TMEM117: variants seen among roughly 807,000 people sequenced by gnomAD.
TMEM117 encodes transmembrane protein 117.
TMEM117 carries 27 observed loss-of-function variants against 52.4 expected under a neutral mutation model. That is an observed-to-expected ratio of 0.51 (90% CI 0.38 to 0.71). The LOEUF (loss-of-function observed/expected upper bound fraction) is 0.71, where lower values mean the gene tolerates loss of function less well. Among genes scored for constraint, TMEM117 ranks in the 30% least tolerant of loss-of-function variants. The probability of loss-of-function intolerance (pLI) is 0.00; values close to 1 mark genes in which losing one functional copy is unlikely to be tolerated. For synonymous variants in TMEM117, 215 were observed against 206.3 expected (o/e 1.04, Z -0.36); for missense variants, 556 against 630.5 (o/e 0.88, Z 1.26).
intron 2 of TMEM117, among the ~76,000 whole-genome samples, chr12:43,866,883 G>C (rs141376430): frequency 3.9e-5 from 6 of 152,326 alleles, no homozygotes; most frequent in African/African-American, 1.4e-4. Flanking sequence ...CTGAGGTCGG[G>C]AGGTTGAGAC....
intron 4 of TMEM117, among the ~76,000 whole-genome samples, chr12:44,207,980 G>C (rs1304485850): frequency 1.3e-5 from 2 of 152,074 alleles, no homozygotes; most frequent in African/African-American, 4.8e-5. Flanking sequence ...CAAAGTTGCT[G>C]TGACTCTTAA....
chr12:44,220,136 C>T (rs1185110781), intron 5 of TMEM117, among the ~76,000 whole-genome samples: 2 of 152,090 alleles, frequency 1.3e-5, no homozygotes, highest in African/African-American at 4.8e-5. Flanking sequence ...AGTGTGTTGA[C>T]TGGGAATTTT....
At chr12:44,353,348 G>A (rs1164478989) in intron 6 of TMEM117, among the ~76,000 whole-genome samples, 1 of 152,152 alleles carries the variant, frequency 6.6e-6, no homozygotes, top group African/African-American at 2.4e-5. Flanking sequence ...TGCTTTTGGT[G>A]TTTTAGACAT....
chr12:44,226,576 A>G (rs1042890459), intron 5 of TMEM117, among the ~76,000 whole-genome samples: 11 of 152,002 alleles, frequency 7.2e-5, no homozygotes, highest in African/African-American at 2.4e-4. Flanking sequence ...CCCCAAATTC[A>G]CATGTTGAAG....
chr12:44,387,739 T>C (rs558034270), intron 7 of TMEM117, among the ~76,000 whole-genome samples: 1 of 152,266 alleles, frequency 6.6e-6, no homozygotes, highest in African/African-American at 2.4e-5. Context: ...AATTTGAGTA[T>C]AGCTGTGGTG....
At position 43,987,370 on chromosome 12, in the gene TMEM117, A is replaced by AT. The variant is rs549409731; in HGVS notation, c.410+43029dup. 3.9e-5 allele frequency among the ~76,000 whole-genome samples: 6 copies of AT among 152,344 alleles called. No homozygotes were observed. The East Asian group carries it at 1.2e-3, about 29-fold the overall frequency. On this transcript the variant is annotated intron_variant, in intron 3 of 7. Transcript: ENST00000266534. Reference sequence around the variant, plus strand: ...ATGGCACACTCACCAAGTCATGCACATGCTAGAGTGATTTTTTAATGTGAC... The same window carrying AT: ...ATGGCACACTCACCAAGTCATGCACATTGCTAGAGTGATTTTTTAATGTGAC...
At chr12:43,954,155 G>A (rs1945269140) in intron 3 of TMEM117, among the ~76,000 whole-genome samples, 1 of 152,172 alleles carries the variant, frequency 6.6e-6, no homozygotes, top group Non-Finnish European at 1.5e-5. Context: ...AGCTAAAGCA[G>A]TATTAAGAGA....
intron 2 of TMEM117, among the ~76,000 whole-genome samples, chr12:43,881,322 T>A (rs1943892014): frequency 6.6e-6 from 1 of 152,218 alleles, no homozygotes; most frequent in South Asian, 2.1e-4. Context: ...ATTTGTGCAT[T>A]CCTTTGTGTC....
chr12:43,844,562 T>C, intron 1 of TMEM117, 62 bp from the exon 2 acceptor site: 1 of 1,414,980 alleles, frequency 7.1e-7, no homozygotes, highest in Non-Finnish European at 9.6e-7. Flanking sequence ...CCTGAACTGA[T>C]AAAAAGAAGA....
intron 5 of TMEM117, among the ~76,000 whole-genome samples, chr12:44,265,209 G>C (rs144427207): frequency 6.6e-6 from 1 of 152,152 alleles, no homozygotes; most frequent in Non-Finnish European, 1.5e-5. Context: ...TAATCCAAAG[G>C]CTGCACAGCA....
chr12:44,173,878 C>T (rs1488507593), intron 4 of TMEM117, among the ~76,000 whole-genome samples: 2 of 151,818 alleles, frequency 1.3e-5, no homozygotes, highest in Admixed American at 1.3e-4. Context: ...CACTTAAATA[C>T]CTTTAATGCT....
chr12:44,151,362 C>CATT (rs1491387150), intron 4 of TMEM117, among the ~76,000 whole-genome samples: 1 of 127,078 alleles, frequency 7.9e-6, no homozygotes, highest in African/African-American at 3.0e-5. Context: ...TTTTTTTTTT[C>CATT]ATTATTATTA....
chr12:44,246,357 T>C (rs983057672), intron 5 of TMEM117, among the ~76,000 whole-genome samples: 1 of 152,168 alleles, frequency 6.6e-6, no homozygotes, highest in Non-Finnish European at 1.5e-5. Flanking sequence ...CAAGGAGAAT[T>C]GGAAGCTGCC....
At chr12:44,007,326 T>TTGTCAGA (rs1298006623) in intron 3 of TMEM117, among the ~76,000 whole-genome samples, 2 of 152,208 alleles carry the variant, frequency 1.3e-5, no homozygotes, top group Non-Finnish European at 2.9e-5. Context: ...GTTTCTGACC[T>TTGTCAGA]GTATCATTTC....
At chr12:44,268,084 G>C (rs564182384) in intron 5 of TMEM117, among the ~76,000 whole-genome samples, 1 of 151,706 alleles carries the variant, frequency 6.6e-6, no homozygotes, top group South Asian at 2.1e-4. Flanking sequence ...AAAGGTTATG[G>C]GTCTGTAATT....
chr12:44,104,536 T>C (rs1167212247), intron 3 of TMEM117, among the ~76,000 whole-genome samples: 1 of 152,034 alleles, frequency 6.6e-6, no homozygotes, highest in Non-Finnish European at 1.5e-5. Flanking sequence ...CTGGTATTAT[T>C]ATCTCCAATT....
intron 5 of TMEM117, among the ~76,000 whole-genome samples, chr12:44,278,632 T>TA (rs138112228): frequency 1.5e-3 from 223 of 152,332 alleles, no homozygotes; most frequent in Non-Finnish European, 2.3e-3. Flanking sequence ...TTATACTACT[T>TA]AAAAATCAAT....
chr12:44,103,893 T>C (rs1408241102), intron 3 of TMEM117, among the ~76,000 whole-genome samples: 1 of 152,066 alleles, frequency 6.6e-6, no homozygotes, highest in Non-Finnish European at 1.5e-5. Context: ...AATTGAATTT[T>C]GTTCCTGTTT....
rs996168692 is a variant in TMEM117 at position 44,388,762 on chromosome 12, C to G, written c.*90C>G. On this transcript the variant is annotated 3_prime_UTR_variant, in exon 8 of 8. Transcript: ENST00000266534. ...TTTCCTTTTGTATATGTAAGGTTTA[C>G]GTAGTGTTAGGTAAAAATATGAACA... 2 of 1,412,022 alleles carry G rather than the reference C, an allele frequency of 1.4e-6. No individual in the cohort carries two copies. Among genetic ancestry groups the G allele is most frequent in the Admixed American group, 4.4e-5 (2 of 45,692 alleles). The allele number at this position is 1,412,022 out of a possible 1,614,324, so 87.5% of individuals were successfully genotyped here.
Sources: allele counts gnomAD v4.1 joint callset (sites outside exome capture counted in the v4.1 genomes callset), GRCh38; gene constraint gnomAD v4.1.1; transcripts MANE v1.5; gene names NCBI Gene and HGNC (gene_info 2026-07-23, HGNC 2026-07-21).